The following SORCS3 variants were observed in gnomAD, a reference collection of about 807,000 sequenced individuals.
SORCS3 encodes the protein VPS10 domain-containing receptor SorCS3.
In SORCS3, 57 loss-of-function variants were observed where a neutral mutation model predicts 146.3. The observed-to-expected ratio is 0.39, with a 90% confidence interval of 0.31 to 0.49. The LOEUF (loss-of-function observed/expected upper bound fraction) is 0.49. Among genes scored for constraint, SORCS3 ranks in the 20% least tolerant of loss-of-function variants. The pLI is 0.92. For synonymous variants in SORCS3, 653 were observed against 618.5 expected, an observed-to-expected ratio of 1.06 and a Z score of -0.83; for missense variants, 1,341 against 1,575.5, an observed-to-expected ratio of 0.85 and a Z score of 2.52.
chr10:105,152,188 C>T (rs1393707127), intron 9 of SORCS3, among the ~76,000 whole-genome samples: 1 of 152,174 alleles, frequency 6.6e-6, no homozygotes, highest in Admixed American at 6.6e-5. Flanking sequence ...TATTTTGCAT[C>T]TAACTTATAA....
chr10:105,142,661 A>G (rs183288754), intron 8 of SORCS3, among the ~76,000 whole-genome samples: 1 of 152,246 alleles, frequency 6.6e-6, no homozygotes, highest in East Asian at 1.9e-4. Flanking sequence ...TTGCTCGATC[A>G]TGCCACCTGC....
chr10:104,808,523 A>G (rs746544300), intron 1 of SORCS3, among the ~76,000 whole-genome samples: 2 of 152,190 alleles, frequency 1.3e-5, no homozygotes, highest in Non-Finnish European at 2.9e-5. Flanking sequence ...TTCACCTGTA[A>G]TGGATGATGG....
chr10:105,235,053 G>T (rs2056785414), intron 20 of SORCS3, among the ~76,000 whole-genome samples: 1 of 152,024 alleles, frequency 6.6e-6, no homozygotes, highest in Non-Finnish European at 1.5e-5. Context: ...GTATTTACAG[G>T]TGTTTCTGTT....
chr10:104,797,962 A>C (rs2017576858), intron 1 of SORCS3, among the ~76,000 whole-genome samples: 1 of 152,238 alleles, frequency 6.6e-6, no homozygotes, highest in Non-Finnish European at 1.5e-5. Flanking sequence ...GTGAGGCCTC[A>C]TCATAAGTCT....
At position 104,691,924 on chromosome 10, in the gene SORCS3, A is replaced by T. The variant is rs556844450; in HGVS notation, c.627+49970A>T. On this transcript the variant is annotated intron_variant, in intron 1 of 26. Transcript: ENST00000369701. Reference sequence around the variant, plus strand: ...CCTGGCTAATTTTTTGTTATTGTTGAGGTGAGATCTTGCTATGTTGTCCAA... The same window carrying T: ...CCTGGCTAATTTTTTGTTATTGTTGTGGTGAGATCTTGCTATGTTGTCCAA... 8.4e-4 allele frequency among the ~76,000 whole-genome samples: 128 copies of T among 152,030 alleles called. 2 individuals are homozygous for T. The highest frequency in any genetic ancestry group is 3.0e-3 in the African/African-American group (123 of 41,452).
chr10:104,645,695 C>T (rs972673817), intron 1 of SORCS3, among the ~76,000 whole-genome samples: 1 of 152,204 alleles, frequency 6.6e-6, no homozygotes, highest in Admixed American at 6.5e-5. Flanking sequence ...CCAGATCACC[C>T]TGCCCTGAGC....
intron 4 of SORCS3, among the ~76,000 whole-genome samples, chr10:104,995,158 C>CTTTTT (rs777456023): frequency 7.1e-6 from 1 of 140,966 alleles, no homozygotes; most frequent in Non-Finnish European, 1.5e-5. Context: ...TTCTTTCTTT[C>CTTTTT]TTTCTCTTTT....
intron 5 of SORCS3, among the ~76,000 whole-genome samples, chr10:105,047,407 CT>C (rs2055380897): frequency 6.6e-6 from 1 of 152,104 alleles, no homozygotes. Context: ...TCCTCCGCTC[CT>C]TAATTATTCT....
chr10:105,056,720 A>C (rs930435865), intron 5 of SORCS3, among the ~76,000 whole-genome samples: 7 of 152,212 alleles, frequency 4.6e-5, no homozygotes, highest in African/African-American at 9.6e-5. Context: ...AAAATTATAC[A>C]GTTGTACACT....
At chr10:104,771,342 A>G (rs1374287940) in intron 1 of SORCS3, among the ~76,000 whole-genome samples, 1 of 152,202 alleles carries the variant, frequency 6.6e-6, no homozygotes, top group African/African-American at 2.4e-5. Flanking sequence ...TTGTTAGCTA[A>G]TAAGCAGTGC....
At chr10:105,037,384 A>G (rs1453121100) in intron 4 of SORCS3, among the ~76,000 whole-genome samples, 1 of 152,202 alleles carries the variant, frequency 6.6e-6, no homozygotes, top group African/African-American at 2.4e-5. Flanking sequence ...GGTGACTTGA[A>G]GTAACAGAAA....
intron 13 of SORCS3, among the ~76,000 whole-genome samples, chr10:105,174,726 C>T (rs535852901): frequency 9.2e-5 from 14 of 152,148 alleles, no homozygotes; most frequent in African/African-American, 3.4e-4. Flanking sequence ...TATCATCCTT[C>T]CTTTAGGTAT....
chr10:104,955,875 G>T (rs1332039341), intron 3 of SORCS3, among the ~76,000 whole-genome samples: 1 of 152,136 alleles, frequency 6.6e-6, no homozygotes, highest in Non-Finnish European at 1.5e-5. Flanking sequence ...AAAAAGAGGA[G>T]AAAAAGTTCT....
intron 20 of SORCS3, among the ~76,000 whole-genome samples, chr10:105,229,097 T>C (rs955250699): frequency 2.0e-5 from 3 of 152,092 alleles, no homozygotes; most frequent in Non-Finnish European, 4.4e-5. Flanking sequence ...AAACCTGTTT[T>C]CGGGATCTGA....
intron 1 of SORCS3, among the ~76,000 whole-genome samples, chr10:104,812,442 G>A (rs2017751538): frequency 6.6e-6 from 1 of 152,142 alleles, no homozygotes; most frequent in Middle Eastern, 3.2e-3. Flanking sequence ...TTCAGTTAAA[G>A]CAAATAAACA....
chr10:104,924,402 G>A (rs547637155), intron 3 of SORCS3, among the ~76,000 whole-genome samples: 51 of 152,338 alleles, frequency 3.3e-4, no homozygotes, highest in African/African-American at 1.2e-3. Flanking sequence ...TAGGAAAATA[G>A]CATTCCACGT....
intron 1 of SORCS3, among the ~76,000 whole-genome samples, chr10:104,836,787 C>T (rs1261110931): frequency 6.6e-6 from 1 of 152,062 alleles, no homozygotes; most frequent in Non-Finnish European, 1.5e-5. Flanking sequence ...TCATGGTGCA[C>T]TCAACACAGC....
At chr10:104,812,183 C>T (rs2017748829) in intron 1 of SORCS3, among the ~76,000 whole-genome samples, 1 of 152,150 alleles carries the variant, frequency 6.6e-6, no homozygotes, top group Non-Finnish European at 1.5e-5. Flanking sequence ...AGAGTAAGGA[C>T]ACAGTGCATC....
rs1190236916 is a variant in SORCS3 at position 104,641,571 on chromosome 10, G to C, written c.244G>C (p.Gly82Arg). Residue 82 changes from glycine to arginine, a missense_variant, in exon 1 of 27, where the codon GGG (glycine) becomes CGG (arginine). Coordinates refer to ENST00000369701, the MANE Select transcript of SORCS3 (RefSeq NM_014978.3). The surrounding 1 kb of genome is among the most constrained non-coding windows in gnomAD (Gnocchi z 6.4). ...LASARRAAVL[G>R]RRAGPELLPQ... ...GTCGGCGCGGAGAGCCGCCGTGCTG[G>C]GGCGCCGGGCCGGACCAGAGCTGCT... The C allele has an allele frequency of 2.7e-6, 4 of 1,476,432 alleles. No homozygotes were observed. The South Asian group carries it at 5.2e-5, about 19-fold the overall frequency. 91.5% of individuals were successfully genotyped at this position (1,476,432 alleles called of 1,614,324 possible).
Sources: gnomAD v4.1 joint callset for allele counts (sites outside exome capture counted in the v4.1 genomes callset) on GRCh38, gnomAD v4.1.1 for gene constraint, Gnocchi (gnomAD v3.1) non-coding constraint, MANE v1.5 for transcripts, NCBI Gene and HGNC (gene_info 2026-07-23, HGNC 2026-07-21) for gene names.